RNFT2: variants seen among roughly 807,000 people sequenced by gnomAD.
RNFT2 encodes E3 ubiquitin-protein ligase RNFT2.
RNFT2 carries 36 observed loss-of-function variants against 53.0 expected under a neutral mutation model. The observed-to-expected ratio is 0.68, with a 90% confidence interval of 0.52 to 0.90. The LOEUF (loss-of-function observed/expected upper bound fraction) is 0.90. Ranked by LOEUF, RNFT2 falls within the 40% of genes least tolerant of loss-of-function variation. RNFT2 has a pLI of 0.00. For synonymous variants in RNFT2, 260 were observed against 253.2 expected, an observed-to-expected ratio of 1.03 and a Z score of -0.26; for missense variants, 514 against 585.6, an observed-to-expected ratio of 0.88 and a Z score of 1.26.
rs544740809 is a variant in RNFT2 at position 116,760,069 on chromosome 12, G to T, written c.627+6009G>T. On this transcript the variant is annotated intron_variant, in intron 5 of 10. Transcript: ENST00000257575. ...ATGACATTCCCAGGTCACTGGTGTT[G>T]TGTACCAAGGAGGATTATGGTTGCT... is the stretch of plus-strand genomic sequence containing the variant. Among the ~76,000 whole-genome samples the T allele has an allele frequency of 2.0e-5, 3 of 152,246 alleles. No individual in the cohort carries two copies. In the East Asian group the frequency reaches 5.8e-4, roughly 29 times the overall value.
At chr12:116,842,402 G>T (rs977846420) in intron 10 of RNFT2, among the ~76,000 whole-genome samples, 2 of 152,030 alleles carry the variant, frequency 1.3e-5, no homozygotes, top group African/African-American at 4.8e-5. Flanking sequence ...CCCGAGGTTG[G>T]ATTCCAACCC....
At position 116,766,879 on chromosome 12, in the gene RNFT2, G is replaced by T; in HGVS notation, c.693G>T (p.Val231=). The T allele has an allele frequency of 6.3e-7, 1 of 1,594,454 alleles. No individual in the cohort carries two copies. The highest frequency in any genetic ancestry group is 8.5e-7 in the Non-Finnish European group (1 of 1,169,996). ...TTCTGGCGGGGAACACCCTCTATGT[G>T]CTTTATACATTCAGCTCCCAGCAGC... is the stretch of plus-strand genomic sequence containing the variant. ...LAFLAGNTLY[V]LYTFSSQQLY... is the part of the protein sequence containing the mutation. Residue 231 remains valine, a synonymous_variant, in exon 6 of 11, where the codon GTG becomes GTT. Coordinates refer to ENST00000257575, the MANE Select transcript of RNFT2 (RefSeq NM_001382266.1).
chr12:116,779,035 C>T (rs558810244), intron 6 of RNFT2, among the ~76,000 whole-genome samples, 160 bp from the exon 7 acceptor site: 10 of 152,320 alleles, frequency 6.6e-5, no homozygotes, highest in Non-Finnish European at 1.5e-4. Flanking sequence ...TGAGGTCACA[C>T]AGCAGGTTAG....
At chr12:116,745,908 A>G (rs1221197573) in intron 3 of RNFT2, among the ~76,000 whole-genome samples, 8 of 152,070 alleles carry the variant, frequency 5.3e-5, no homozygotes. Flanking sequence ...GTCCAAAGCT[A>G]TGGTTTGCAG....
chr12:116,805,372 G>A (rs1007176724), intron 7 of RNFT2, among the ~76,000 whole-genome samples: 3 of 152,098 alleles, frequency 2.0e-5, no homozygotes, highest in African/African-American at 7.2e-5. Flanking sequence ...TTTATTTTAA[G>A]GAATTGCCTT....
At chr12:116,789,938 T>C (rs111751224) in intron 7 of RNFT2, among the ~76,000 whole-genome samples, 13,134 of 141,552 alleles carry the variant, frequency 0.093, 1,583 homozygotes, top group African/African-American at 0.29. Flanking sequence ...GGAGAGTGGA[T>C]GGATGGATGG....
chr12:116,851,643 G>A lies in RNFT2; in HGVS notation c.*2195G>A. 1 of 622,748 alleles carries A rather than the reference G, an allele frequency of 1.6e-6. No individual in the cohort carries two copies. Among genetic ancestry groups the A allele is most frequent in the South Asian group, 1.9e-5 (1 of 51,430 alleles). The allele number at this position is 622,748 out of a possible 1,614,324, so 38.6% of individuals were successfully genotyped here. A position where few individuals can be genotyped will look rare whatever the true frequency, so the allele number is the denominator to read the frequency against. On this transcript the variant is annotated 3_prime_UTR_variant, in exon 11 of 11. Transcript: ENST00000257575. Reference sequence around the variant, plus strand: ...TAATCCCAGCTACTCAGGAGGCTAAGGCAGGGAGAACTGCTTGAACTCGGG... The same window carrying A: ...TAATCCCAGCTACTCAGGAGGCTAAAGCAGGGAGAACTGCTTGAACTCGGG...
chr12:116,782,317 G>C lies in RNFT2; in HGVS notation c.882+2969G>C, dbSNP rs1362206317. Reference sequence around the variant, plus strand: ...GAAGATTGCTTGAGGCCAGGACTTTGAGACCAGCTTGGGCAAGATAAGCCT... The same window carrying C: ...GAAGATTGCTTGAGGCCAGGACTTTCAGACCAGCTTGGGCAAGATAAGCCT... On this transcript the variant is annotated intron_variant, in intron 7 of 10. Coordinates refer to ENST00000257575, the MANE Select transcript of RNFT2 (RefSeq NM_001382266.1). 3.3e-5 allele frequency: 5 copies of C among 151,868 alleles called. No individual in the cohort carries two copies. In the East Asian group the frequency reaches 9.7e-4, roughly 30 times the overall value. 9.4% of individuals were successfully genotyped at this position (151,868 alleles called of 1,614,324 possible). A position where few individuals can be genotyped will look rare whatever the true frequency, so the allele number is the denominator to read the frequency against.
chr12:116,852,086 A>G lies in RNFT2; in HGVS notation c.*2638A>G, dbSNP rs1877956476. The G allele has an allele frequency of 9.3e-6, 10 of 1,070,436 alleles. No individual in the cohort carries two copies. The highest frequency in any genetic ancestry group is 3.5e-5 in the South Asian group (2 of 56,706). 66.3% of individuals were successfully genotyped at this position (1,070,436 alleles called of 1,614,324 possible). On this transcript the variant is annotated 3_prime_UTR_variant, in exon 11 of 11. Coordinates refer to ENST00000257575, the MANE Select transcript of RNFT2 (RefSeq NM_001382266.1). ...CCTCTGAAATGTTCCCTGCTCTGAAATCTGGCATGAGATGGCACAGGTGAC... is the reference window on the plus strand; with the variant it reads ...CCTCTGAAATGTTCCCTGCTCTGAAGTCTGGCATGAGATGGCACAGGTGAC...
At chr12:116,773,930 T>A (rs1279735624) in intron 6 of RNFT2, among the ~76,000 whole-genome samples, 1 of 152,212 alleles carries the variant, frequency 6.6e-6, no homozygotes, top group African/African-American at 2.4e-5. Context: ...ATAAACACCC[T>A]GCGGTATGTA....
At chr12:116,801,627 T>G (rs1874794160) in intron 7 of RNFT2, 1 of 152,214 alleles carries the variant, frequency 6.6e-6, no homozygotes, top group African/African-American at 2.4e-5. Context: ...ATTATTGTCA[T>G]TCTGAGGAAG....
At chr12:116,767,791 G>A (rs1333229258) in intron 6 of RNFT2, among the ~76,000 whole-genome samples, 3 of 151,114 alleles carry the variant, frequency 2.0e-5, no homozygotes, top group African/African-American at 7.3e-5. Context: ...TATTGGTCAA[G>A]CTGGTCTCAA....
At chr12:116,773,003 A>G (rs138751697) in intron 6 of RNFT2, among the ~76,000 whole-genome samples, 5,327 of 152,060 alleles carry the variant, frequency 0.035, 143 homozygotes, top group African/African-American at 0.064. Flanking sequence ...TAATTTTTGT[A>G]TTTTTAGTAG....
rs189384319 is a variant in RNFT2 at position 116,831,436 on chromosome 12, T to A, written c.883-2356T>A. Among the ~76,000 whole-genome samples, 15 of 152,272 alleles carry A rather than the reference T, an allele frequency of 9.9e-5. No individual in the cohort carries two copies. The East Asian group carries it at 2.7e-3, about 27-fold the overall frequency. ...TATGTTTCCTTTCTTCACCATAAAG[T>A]TGCTATTTCTTCAGGGTACATTTTT... is the stretch of plus-strand genomic sequence containing the variant. On this transcript the variant is annotated intron_variant, in intron 7 of 10. Transcript: ENST00000257575.
intron 4 of RNFT2, among the ~76,000 whole-genome samples, chr12:116,750,899 TATATATA>T (rs1872215488): frequency 2.0e-4 from 2 of 10,212 alleles, no homozygotes; most frequent in Non-Finnish European, 3.8e-4. Context: ...ATAATATATA[TATATATA>T]TATTTTTTTT....
chr12:116,739,467 A>G lies in RNFT2; in HGVS notation c.-153-878A>G, dbSNP rs552928404. ...TATATTCTAATGGGGAGGACAAATC[A>G]TAAATAAATAAGCAAACATGAACAA... On this transcript the variant is annotated intron_variant, in intron 1 of 10. Coordinates refer to ENST00000257575, the MANE Select transcript of RNFT2 (RefSeq NM_001382266.1). Among the ~76,000 whole-genome samples, 6 of 152,384 alleles carry G rather than the reference A, an allele frequency of 3.9e-5. No individual in the cohort carries two copies. In the South Asian group the frequency reaches 1.2e-3, roughly 32 times the overall value.
chr12:116,781,969 C>A (rs1592954938), intron 7 of RNFT2: 1 of 151,430 alleles, frequency 6.6e-6, no homozygotes. Flanking sequence ...GTCCTACTTA[C>A]TCGGGAGGCT....
intron 5 of RNFT2, among the ~76,000 whole-genome samples, chr12:116,761,533 C>G (rs2137090701): frequency 6.6e-6 from 1 of 152,352 alleles, no homozygotes; most frequent in East Asian, 1.9e-4. Flanking sequence ...CCACCATCCT[C>G]CTGCATGTCC....
At chr12:116,806,981 TA>T (rs941558372) in intron 7 of RNFT2, among the ~76,000 whole-genome samples, 2 of 152,164 alleles carry the variant, frequency 1.3e-5, no homozygotes, top group Non-Finnish European at 2.9e-5. Context: ...TCTCCCTTTT[TA>T]CATGGCTTCC....
Sources: allele counts gnomAD v4.1 joint callset (sites outside exome capture counted in the v4.1 genomes callset), GRCh38; gene constraint gnomAD v4.1.1; transcripts MANE v1.5; gene names NCBI Gene and HGNC (gene_info 2026-07-23, HGNC 2026-07-21).